Variants in PTPRT observed in about 807,000 individuals in gnomAD.
The protein encoded by PTPRT is receptor-type tyrosine-protein phosphatase T.
PTPRT carries 56 observed loss-of-function variants against 176.8 expected under a neutral mutation model. The ratio of observed to expected loss-of-function variants is 0.32; its 90% CI spans 0.26 to 0.40. PTPRT has a LOEUF of 0.40. Ranked by LOEUF, PTPRT falls within the 10% of genes least tolerant of loss-of-function variation. The probability of loss-of-function intolerance (pLI) is 1.00; values close to 1 mark genes in which losing one functional copy is unlikely to be tolerated. For missense variants in PTPRT, 1,540 were observed against 1,908.2 expected, an observed-to-expected ratio of 0.81 and a Z score of 3.60; for synonymous variants, 783 against 739.0, an observed-to-expected ratio of 1.06 and a Z score of -0.96.
At chr20:42,584,022 A>T (rs2073426577) in intron 7 of PTPRT, among the ~76,000 whole-genome samples, 1 of 152,156 alleles carries the variant, frequency 6.6e-6, no homozygotes, top group African/African-American at 2.4e-5. Context: ...GGCTGAGCCC[A>T]GCCCTCCAGC....
At chr20:42,944,575 A>G (rs1452190638) in intron 1 of PTPRT, among the ~76,000 whole-genome samples, 1 of 152,118 alleles carries the variant, frequency 6.6e-6, no homozygotes, top group Non-Finnish European at 1.5e-5. Flanking sequence ...GTCTTCCTAC[A>G]GCTCTTTGAA....
At chr20:42,332,876 G>A (rs1323979350) in intron 11 of PTPRT, among the ~76,000 whole-genome samples, 1 of 152,122 alleles carries the variant, frequency 6.6e-6, no homozygotes, top group African/African-American at 2.4e-5. Flanking sequence ...TAAACATTTG[G>A]AATTTTTAAA....
At chr20:42,976,189 C>G (rs1215504328) in intron 1 of PTPRT, among the ~76,000 whole-genome samples, 1 of 152,174 alleles carries the variant, frequency 6.6e-6, no homozygotes, top group African/African-American at 2.4e-5. Flanking sequence ...CAGCTTTCAT[C>G]TGGACTACAA....
chr20:43,118,092 A>T (rs1417077755), intron 1 of PTPRT, among the ~76,000 whole-genome samples: 1 of 152,196 alleles, frequency 6.6e-6, no homozygotes, highest in Non-Finnish European at 1.5e-5. Flanking sequence ...CTGTAAAGGG[A>T]CATATAATAA....
At chr20:42,131,873 A>T (rs769929755) in intron 18 of PTPRT, among the ~76,000 whole-genome samples, 1 of 152,230 alleles carries the variant, frequency 6.6e-6, no homozygotes, top group Non-Finnish European at 1.5e-5. Context: ...AAGTCTTTCC[A>T]TCAGAGGGAA....
At chr20:42,916,353 C>G (rs1034613796) in intron 1 of PTPRT, among the ~76,000 whole-genome samples, 2 of 152,116 alleles carry the variant, frequency 1.3e-5, no homozygotes, top group Non-Finnish European at 2.9e-5. Flanking sequence ...TTTTCTTAAT[C>G]CAGTCTATCG....
chr20:42,082,036 G>C lies in PTPRT; in HGVS notation c.4137-19C>G. On this transcript the variant is annotated intron_variant, in intron 29 of 30. Coordinates refer to ENST00000373187, the MANE Select transcript of PTPRT (RefSeq NM_007050.6). ...CCCATTTCTAAACACAGAGCAAAGAGGTGAGCCATGTTCCTAGGTCCCTTC... is the reference window on the plus strand; with the variant it reads ...CCCATTTCTAAACACAGAGCAAAGACGTGAGCCATGTTCCTAGGTCCCTTC... 6.2e-7 allele frequency: 1 copy of C among 1,613,990 alleles called. No individual in the cohort carries two copies. The highest frequency in any genetic ancestry group is 8.5e-7 in the Non-Finnish European group (1 of 1,180,000).
chr20:43,070,143 A>G (rs752776412), intron 1 of PTPRT, among the ~76,000 whole-genome samples: 1 of 152,048 alleles, frequency 6.6e-6, no homozygotes, highest in Non-Finnish European at 1.5e-5. Flanking sequence ...CAACTCTCCA[A>G]ACTTTCAAGA....
chr20:43,174,128 A>G (rs999687489), intron 1 of PTPRT, among the ~76,000 whole-genome samples: 2 of 152,208 alleles, frequency 1.3e-5, no homozygotes, highest in East Asian at 1.9e-4. Context: ...AATTTTCTCC[A>G]TAAGTATGAA....
chr20:42,433,998 T>A (rs980424484), intron 9 of PTPRT, among the ~76,000 whole-genome samples: 5 of 152,128 alleles, frequency 3.3e-5, no homozygotes, highest in African/African-American at 1.2e-4. Context: ...GTCCATATGT[T>A]CAGGGAATGG....
intron 2 of PTPRT, among the ~76,000 whole-genome samples, chr20:42,860,386 G>A (rs1163034935): frequency 6.6e-6 from 1 of 152,182 alleles, no homozygotes; most frequent in Non-Finnish European, 1.5e-5. Context: ...ACATTTGCTT[G>A]ATGATCTGTG....
intron 1 of PTPRT, among the ~76,000 whole-genome samples, chr20:43,125,386 C>T (rs2013403250): frequency 6.6e-6 from 1 of 152,164 alleles, no homozygotes; most frequent in South Asian, 2.1e-4. Context: ...TACCTGTACA[C>T]AAGCACTTTT....
At chr20:43,009,399 T>C (rs570571575) in intron 1 of PTPRT, among the ~76,000 whole-genome samples, 1 of 152,136 alleles carries the variant, frequency 6.6e-6, no homozygotes, top group Non-Finnish European at 1.5e-5. Context: ...GGCCTATCAA[T>C]AAACACAGCC....
intron 7 of PTPRT, among the ~76,000 whole-genome samples, chr20:42,603,663 C>T (rs2073822723): frequency 6.6e-6 from 1 of 152,050 alleles, no homozygotes; most frequent in South Asian, 2.1e-4. Flanking sequence ...AGCTCAATCT[C>T]GATAAGAAGT....
intron 1 of PTPRT, among the ~76,000 whole-genome samples, chr20:42,943,307 T>C (rs1004054730): frequency 6.6e-6 from 1 of 152,192 alleles, no homozygotes; most frequent in African/African-American, 2.4e-5. Context: ...CATCAGCTCC[T>C]GGAAGTGACC....
At chr20:42,463,011 G>A (rs753826441) in intron 8 of PTPRT, among the ~76,000 whole-genome samples, 2 of 152,032 alleles carry the variant, frequency 1.3e-5, no homozygotes, top group Non-Finnish European at 2.9e-5. Flanking sequence ...CTATCACCTG[G>A]TAGGTCTGTG....
rs184475289 is a variant in PTPRT at position 42,096,475 on chromosome 20, C to A, written c.3846+1946G>T. 2.5e-3 allele frequency among the ~76,000 whole-genome samples: 383 copies of A among 152,226 alleles called. 2 individuals are homozygous for A. Among genetic ancestry groups the A allele is most frequent in the Non-Finnish European group, 4.6e-3 (314 of 68,024 alleles). On this transcript the variant is annotated intron_variant, in intron 27 of 30. Transcript: ENST00000373187. ...AAAATTAGTCGGGCATGTTGGCACA[C>A]GCCTGTAATCCCAGCTACATGGGAG...
At chr20:42,797,908 C>G (rs1343685735) in intron 2 of PTPRT, among the ~76,000 whole-genome samples, 2 of 152,286 alleles carry the variant, frequency 1.3e-5, no homozygotes, top group East Asian at 3.9e-4. Flanking sequence ...AAAACAAACT[C>G]TACCCTAGAG....
At chr20:42,784,915 C>T (rs1180189490) in intron 3 of PTPRT, among the ~76,000 whole-genome samples, 3 of 152,100 alleles carry the variant, frequency 2.0e-5, no homozygotes, top group Non-Finnish European at 2.9e-5. Context: ...CTGAAGTACA[C>T]GTGACTTAAC....
Sources: allele counts gnomAD v4.1 joint callset (sites outside exome capture counted in the v4.1 genomes callset), GRCh38; gene constraint gnomAD v4.1.1; transcripts MANE v1.5; gene names NCBI Gene and HGNC (gene_info 2026-07-23, HGNC 2026-07-21).